The following DIS3L2 variants were observed in gnomAD, a reference collection of about 807,000 sequenced individuals.
DIS3L2 encodes DIS3 like 3'-5' exoribonuclease 2, also known as DIS3-like exonuclease 2.
A neutral mutation model predicts 97.5 loss-of-function variants in DIS3L2; 34 were observed. The ratio of observed to expected loss-of-function variants is 0.35; its 90% CI spans 0.27 to 0.46. The LOEUF (loss-of-function observed/expected upper bound fraction) is 0.46. Ranked by LOEUF, DIS3L2 falls within the 20% of genes least tolerant of loss-of-function variation. The pLI, the probability that DIS3L2 is intolerant of heterozygous loss-of-function variation, is 1.00. For missense variants in DIS3L2, 1,038 were observed against 1,146.0 expected, an observed-to-expected ratio of 0.91 and a Z score of 1.36; for synonymous variants, 435 against 445.2, an observed-to-expected ratio of 0.98 and a Z score of 0.29.
chr2:232,307,192 A>G (rs1695007253), intron 14 of DIS3L2, among the ~76,000 whole-genome samples: 1 of 152,170 alleles, frequency 6.6e-6, no homozygotes, highest in African/African-American at 2.4e-5. Flanking sequence ...TTTGAGGTCA[A>G]GGTCTTGTTT....
chr2:232,174,415 G>A (rs758658982), intron 9 of DIS3L2, among the ~76,000 whole-genome samples: 6 of 151,580 alleles, frequency 4.0e-5, no homozygotes, highest in East Asian at 1.9e-4. Context: ...GTGAAACCCC[G>A]TCTCTATTAA....
At chr2:231,974,406 A>C (rs1049491797) in intron 1 of DIS3L2, among the ~76,000 whole-genome samples, 6 of 151,210 alleles carry the variant, frequency 4.0e-5, no homozygotes, top group African/African-American at 1.5e-4. Context: ...TCTTTGTTTC[A>C]TTTTGGATAA....
intron 10 of DIS3L2, among the ~76,000 whole-genome samples, chr2:232,231,766 CT>C (rs1692800364): frequency 6.6e-6 from 1 of 152,204 alleles, no homozygotes; most frequent in Admixed American, 6.5e-5. Flanking sequence ...TTTTTTGTTA[CT>C]TTCTTTTTCA....
At chr2:232,302,033 T>A (rs963447269) in intron 14 of DIS3L2, among the ~76,000 whole-genome samples, 2 of 152,024 alleles carry the variant, frequency 1.3e-5, no homozygotes, top group Non-Finnish European at 2.9e-5. Flanking sequence ...GACCAAGCAA[T>A]GTAAGAAGAT....
chr2:232,155,987 C>CT (rs1395081625), intron 8 of DIS3L2, among the ~76,000 whole-genome samples: 12 of 147,620 alleles, frequency 8.1e-5, no homozygotes, highest in Non-Finnish European at 1.5e-4. Context: ...GAGACTCCAT[C>CT]TAAAAAAAAA....
chr2:232,248,405 T>C (rs1693322490), intron 11 of DIS3L2, among the ~76,000 whole-genome samples: 1 of 152,034 alleles, frequency 6.6e-6, no homozygotes, highest in Non-Finnish European at 1.5e-5. Context: ...AAGAAAAATA[T>C]GGGAAAAGGA....
chr2:232,334,358 C>T lies in DIS3L2; in HGVS notation c.2159-11C>T, dbSNP rs746549250. The T allele has an allele frequency of 1.9e-5, 30 of 1,612,814 alleles. No homozygotes were observed. Among genetic ancestry groups the T allele is most frequent in the East Asian group, 4.5e-5 (2 of 44,872 alleles). On this transcript the variant is annotated splice_polypyrimidine_tract_variant and intron_variant, in intron 17 of 20. Transcript: ENST00000325385. ...AGGCTCCCACTCTCATGCCTCACCC[C>T]CTCTTCCCAGGCTATAGGGAGCGAC...
chr2:231,999,291 A>G (rs1399920697), intron 1 of DIS3L2, among the ~76,000 whole-genome samples: 1 of 152,172 alleles, frequency 6.6e-6, no homozygotes, highest in Non-Finnish European at 1.5e-5. Flanking sequence ...GGTTGCTTTT[A>G]GTGATGAGTG....
chr2:232,235,616 G>A (rs1252691527), intron 10 of DIS3L2, among the ~76,000 whole-genome samples: 3 of 152,092 alleles, frequency 2.0e-5, no homozygotes, highest in Non-Finnish European at 4.4e-5. Flanking sequence ...AGGACAGAAA[G>A]TTCATGTGCA....
chr2:231,981,596 TTTTATATATATATATATATATATATA>T (rs1693257648), intron 1 of DIS3L2, among the ~76,000 whole-genome samples: 2 of 48,004 alleles, frequency 4.2e-5, no homozygotes, highest in Non-Finnish European at 8.7e-5. Context: ...CTGTTAAGTA[TTTTATATATATATATATATATATATA>T]TATATATATA....
intron 11 of DIS3L2, among the ~76,000 whole-genome samples, chr2:232,240,160 C>G (rs1574965941): frequency 1.3e-5 from 2 of 152,244 alleles, no homozygotes; most frequent in East Asian, 3.9e-4. Flanking sequence ...GAGGCCCTAC[C>G]TAGGAAGACC....
At chr2:232,066,168 T>C (rs553271644) in intron 5 of DIS3L2, among the ~76,000 whole-genome samples, 216 of 152,108 alleles carry the variant, frequency 1.4e-3, no homozygotes, top group African/African-American at 4.7e-3. Flanking sequence ...CAAGAAACCT[T>C]CACTATGATG....
intron 5 of DIS3L2, among the ~76,000 whole-genome samples, chr2:232,047,530 C>G (rs1044619705): frequency 6.6e-6 from 1 of 151,918 alleles, no homozygotes; most frequent in Non-Finnish European, 1.5e-5. Flanking sequence ...TTAGATTATG[C>G]CAAAAATGAT....
At chr2:231,991,528 C>T (rs1464779973) in intron 1 of DIS3L2, among the ~76,000 whole-genome samples, 2 of 152,102 alleles carry the variant, frequency 1.3e-5, no homozygotes, top group East Asian at 1.9e-4. Context: ...CCTCAGCCTC[C>T]GAAAGTGCTG....
intron 1 of DIS3L2, among the ~76,000 whole-genome samples, chr2:232,000,854 A>G (rs1045925763): frequency 2.0e-5 from 3 of 149,046 alleles, no homozygotes; most frequent in African/African-American, 7.4e-5. Context: ...GGCATGAGCC[A>G]CTGTACCCGG....
At chr2:232,196,169 C>T (rs893005471) in intron 9 of DIS3L2, among the ~76,000 whole-genome samples, 17 of 151,988 alleles carry the variant, frequency 1.1e-4, no homozygotes, top group Non-Finnish European at 2.2e-4. Context: ...GTGGTGCAGT[C>T]ATAGCTCACT....
chr2:231,998,738 G>T (rs1022451684), intron 1 of DIS3L2, among the ~76,000 whole-genome samples: 1 of 152,162 alleles, frequency 6.6e-6, no homozygotes, highest in Non-Finnish European at 1.5e-5. Flanking sequence ...TATGATGATG[G>T]TTGCCAATGG....
Position 232,014,753 on chromosome 2 carries a change from C to A in DIS3L2, c.-93-82C>A, listed in dbSNP as rs1294603389. ...AGGAGGGGCACCATGTTGCCTTTGC[C>A]ATTGAACTACTAAATTTCTGAGAGG... On this transcript the variant is annotated intron_variant, in intron 1 of 20. Coordinates refer to ENST00000325385, the MANE Select transcript of DIS3L2 (RefSeq NM_152383.5). 5 of 571,328 alleles carry A rather than the reference C, an allele frequency of 8.8e-6. No individual in the cohort carries two copies. The Admixed American group carries it at 1.8e-4, about 20-fold the overall frequency. 35.4% of individuals were successfully genotyped at this position (571,328 alleles called of 1,614,324 possible). A position where few individuals can be genotyped will look rare whatever the true frequency, so the allele number is the denominator to read the frequency against.
intron 6 of DIS3L2, among the ~76,000 whole-genome samples, chr2:232,107,544 C>T (rs912612762): frequency 2.6e-5 from 4 of 151,970 alleles, no homozygotes; most frequent in African/African-American, 9.7e-5. Flanking sequence ...ACTAAAAATA[C>T]AAAAATTAGC....
Sources: gnomAD v4.1 joint callset for allele counts (sites outside exome capture counted in the v4.1 genomes callset) on GRCh38, gnomAD v4.1.1 for gene constraint, MANE v1.5 for transcripts, NCBI Gene and HGNC (gene_info 2026-07-23, HGNC 2026-07-21) for gene names.